Variants in AGO2 observed in about 807,000 individuals in gnomAD.
AGO2 encodes argonaute RISC catalytic component 2, also known as protein argonaute-2.
A neutral mutation model predicts 102.3 loss-of-function variants in AGO2; 5 were observed. The observed-to-expected ratio is 0.05, with a 90% CI of 0.03 to 0.10. AGO2 has a LOEUF of 0.10. Among genes scored for constraint, AGO2 ranks in the 10% least tolerant of loss-of-function variants. AGO2 has a pLI of 1.00. For missense variants in AGO2, 541 were observed against 1,183.7 expected, an observed-to-expected ratio of 0.46 and a Z score of 7.97; for synonymous variants, 449 against 473.1, an observed-to-expected ratio of 0.95 and a Z score of 0.66.
At chr8:140,630,403 G>A (rs1453283982) in intron 1 of AGO2, among the ~76,000 whole-genome samples, 1 of 152,244 alleles carries the variant, frequency 6.6e-6, no homozygotes, top group Non-Finnish European at 1.5e-5. Context: ...AACTGGGAGG[G>A]CCTGGCGATT....
chr8:140,556,820 C>A (rs2073103141), intron 8 of AGO2, among the ~76,000 whole-genome samples: 1 of 152,202 alleles, frequency 6.6e-6, no homozygotes, highest in African/African-American at 2.4e-5. Flanking sequence ...GACGGAGCAC[C>A]TGCCTCGCGC....
chr8:140,589,922 C>T lies in AGO2; in HGVS notation c.23-4611G>A, dbSNP rs750594589. On this transcript the variant is annotated intron_variant, in intron 1 of 18. Transcript: ENST00000220592. This position sits in a 1 kb window ranked among gnomAD's most constrained non-coding sequence, Gnocchi z 4.2. ...GGTGACAACTCACCTGTTGTCTACA[C>T]AAGCAAGCCTCCCTTATGGCCACCC... Among the ~76,000 whole-genome samples the T allele has an allele frequency of 5.9e-5, 9 of 152,266 alleles. No homozygotes were observed. Among genetic ancestry groups the T allele is most frequent in the Non-Finnish European group, 8.8e-5 (6 of 68,046 alleles).
intron 1 of AGO2, among the ~76,000 whole-genome samples, chr8:140,594,585 C>G (rs35788876): frequency 0.38 from 57,983 of 151,202 alleles, 12,504 homozygotes; most frequent in Non-Finnish European, 0.49. Context: ...GCCACAAGTT[C>G]GAGACTAGCC....
upstream of AGO2, among the ~76,000 whole-genome samples, chr8:140,635,847 G>A (rs920168374): frequency 7.8e-3 from 1,136 of 145,666 alleles, 13 homozygotes; most frequent in African/African-American, 0.026. Flanking sequence ...GACCCGGGGA[G>A]GGGCCCGGAG....
At chr8:140,555,821 A>ATTATC in intron 10 of AGO2, 75 bp downstream of exon 10, 1 of 1,537,364 alleles carries the variant, frequency 6.5e-7, no homozygotes, top group South Asian at 1.2e-5. Context: ...CGCGGGCGAT[A>ATTATC]GCTCAGAACC....
Position 140,567,808 on chromosome 8 carries a change from C to G in AGO2, c.336+5004G>C, listed in dbSNP as rs559249167. On this transcript the variant is annotated intron_variant, in intron 3 of 18. Transcript: ENST00000220592. This position sits in a 1 kb window ranked among gnomAD's most constrained non-coding sequence, Gnocchi z 5.0. ...TCTTTGGGGTCGTCACACAACTCAG[C>G]AACAAAGGGAAAACAGCACTCTAAA... 6.4e-4 allele frequency among the ~76,000 whole-genome samples: 98 copies of G among 152,234 alleles called. No homozygotes were observed. The highest frequency in any genetic ancestry group is 2.2e-3 in the African/African-American group (93 of 41,532).
chr8:140,565,712 T>G (rs578015719), intron 3 of AGO2, among the ~76,000 whole-genome samples: 12 of 152,240 alleles, frequency 7.9e-5, no homozygotes, highest in African/African-American at 2.9e-4. Context: ...TGTGTTAATT[T>G]ACAGTTTATG....
intron 2 of AGO2, among the ~76,000 whole-genome samples, chr8:140,573,513 TG>T (rs2073418254): frequency 1.3e-5 from 2 of 152,210 alleles, no homozygotes; most frequent in African/African-American, 4.8e-5. Context: ...TTGCAAGACC[TG>T]TGGCTCCTTT....
chr8:140,564,023 C>T (rs556542541), intron 3 of AGO2, among the ~76,000 whole-genome samples: 1 of 152,030 alleles, frequency 6.6e-6, no homozygotes, highest in East Asian at 1.9e-4. Context: ...GCCCACGAGC[C>T]CTCAGAGCAC....
intron 7 of AGO2, 84 bp downstream of exon 7, chr8:140,558,401 C>T: frequency 7.0e-7 from 1 of 1,428,916 alleles, no homozygotes; most frequent in Non-Finnish European, 9.9e-7. Context: ...GGAGAATGGG[C>T]ACAGAATCAT....
At chr8:140,547,689 G>A (rs1328796649) in intron 12 of AGO2, 62 bp from the exon 13 acceptor site, 7 of 1,553,890 alleles carry the variant, frequency 4.5e-6, no homozygotes, top group African/African-American at 2.7e-5. Flanking sequence ...GGCCCCGAGA[G>A]CAGCAGCTGC....
intron 1 of AGO2, among the ~76,000 whole-genome samples, chr8:140,620,615 A>G (rs1310095713): frequency 6.6e-6 from 1 of 152,186 alleles, no homozygotes; most frequent in Non-Finnish European, 1.5e-5. Context: ...CTGTAATCCC[A>G]GCACTTTAGG....
chr8:140,629,649 G>C (rs377461475), intron 1 of AGO2, among the ~76,000 whole-genome samples: 1 of 151,648 alleles, frequency 6.6e-6, no homozygotes, highest in Admixed American at 6.6e-5. Context: ...AGAACAGCCC[G>C]GGCAACACAG....
chr8:140,603,043 T>C (rs1160889844), intron 1 of AGO2, among the ~76,000 whole-genome samples: 1 of 152,234 alleles, frequency 6.6e-6, no homozygotes, highest in African/African-American at 2.4e-5. Flanking sequence ...TAATTATGGA[T>C]TTCTTTCTAT....
intron 1 of AGO2, among the ~76,000 whole-genome samples, chr8:140,599,594 G>A (rs560564602): frequency 1.1e-4 from 16 of 152,298 alleles, no homozygotes; most frequent in African/African-American, 3.8e-4. Context: ...TCACCTAAGT[G>A]AGAAATTTCA....
At chr8:140,588,639 G>A (rs1449021731) in intron 1 of AGO2, among the ~76,000 whole-genome samples, 3 of 148,934 alleles carry the variant, frequency 2.0e-5, no homozygotes, top group Non-Finnish European at 4.5e-5. Flanking sequence ...AGGAAGGGAA[G>A]GAAGGAGGAA....
At position 140,574,831 on chromosome 8, in the gene AGO2, T is replaced by C. The variant is rs551118140; in HGVS notation, c.216-1899A>G. Among the ~76,000 whole-genome samples, 3 of 151,868 alleles carry C rather than the reference T, an allele frequency of 2.0e-5. No homozygotes were observed. The South Asian group carries it at 6.2e-4, about 32-fold the overall frequency. On this transcript the variant is annotated intron_variant, in intron 2 of 18. Transcript: ENST00000220592. Reference sequence around the variant, plus strand: ...TCACTGACAGACTTCTGAAGGGAGGTGGGATTGGAGCGTGGCTAGAATGGT... The same window carrying C: ...TCACTGACAGACTTCTGAAGGGAGGCGGGATTGGAGCGTGGCTAGAATGGT...
chr8:140,543,167 T>C (rs2072831796), intron 14 of AGO2, among the ~76,000 whole-genome samples: 2 of 140,620 alleles, frequency 1.4e-5, no homozygotes, highest in Non-Finnish European at 1.5e-5. Context: ...AAAACAAAAA[T>C]AGAAACAACA....
chr8:140,545,524 C>G (rs1235953792), intron 13 of AGO2, among the ~76,000 whole-genome samples: 1 of 152,162 alleles, frequency 6.6e-6, no homozygotes, highest in African/African-American at 2.4e-5. Flanking sequence ...TGGATCCTGT[C>G]TCCCCTGATG....
Sources: allele counts gnomAD v4.1 joint callset (sites outside exome capture counted in the v4.1 genomes callset), GRCh38; gene constraint gnomAD v4.1.1; non-coding constraint Gnocchi (gnomAD v3.1); transcripts MANE v1.5; gene names NCBI Gene and HGNC (gene_info 2026-07-23, HGNC 2026-07-21).